The following MAPKAPK3 variants were observed in gnomAD, a reference collection of about 807,000 sequenced individuals.
The protein encoded by MAPKAPK3 is MAPK activated protein kinase 3.
A neutral mutation model predicts 49.2 loss-of-function variants in MAPKAPK3; 35 were observed. The observed-to-expected ratio is 0.71, with a 90% CI of 0.54 to 0.94. The LOEUF is 0.94. Among genes scored for constraint, MAPKAPK3 ranks in the 40% least tolerant of loss-of-function variants. The pLI, the probability that MAPKAPK3 is intolerant of heterozygous loss-of-function variation, is 0.00. For synonymous variants in MAPKAPK3, 178 were observed against 188.7 expected (o/e 0.94, Z 0.46); for missense variants, 398 against 493.1 (o/e 0.81, Z 1.83).
chr3:50,642,411 C>A, intron 5 of MAPKAPK3, 79 bp downstream of exon 5: 1 of 1,040,214 alleles, frequency 9.6e-7, no homozygotes, highest in Non-Finnish European at 1.5e-6. Context: ...GCATCCAGGA[C>A]CCACTGGATG....
At chr3:50,639,687 T>G (rs2033128337) in intron 2 of MAPKAPK3, among the ~76,000 whole-genome samples, 1 of 152,180 alleles carries the variant, frequency 6.6e-6, no homozygotes, top group African/African-American at 2.4e-5. Context: ...GGAGATAGAT[T>G]GACAGACACA....
intron 2 of MAPKAPK3, among the ~76,000 whole-genome samples, chr3:50,629,340 T>C (rs907620491): frequency 2.6e-5 from 4 of 152,074 alleles, no homozygotes; most frequent in Non-Finnish European, 1.5e-5. Context: ...GGGAGGAGTG[T>C]AAGGCCATTT....
intron 2 of MAPKAPK3, among the ~76,000 whole-genome samples, chr3:50,634,650 A>G (rs683223): frequency 1 from 151,818 of 152,224 alleles, 75,710 homozygotes; most frequent in Middle Eastern, 1. Context: ...CACCACACCC[A>G]GCTAATTTTT....
At chr3:50,630,158 G>A (rs1225283711) in intron 2 of MAPKAPK3, among the ~76,000 whole-genome samples, 1 of 152,210 alleles carries the variant, frequency 6.6e-6, no homozygotes, top group Non-Finnish European at 1.5e-5. Context: ...GCCAGGTTCT[G>A]GTTCTGGAAA....
chr3:50,619,316 TC>T (rs1306577628), intron 2 of MAPKAPK3, among the ~76,000 whole-genome samples: 1 of 152,142 alleles, frequency 6.6e-6, no homozygotes, highest in Non-Finnish European at 1.5e-5. Flanking sequence ...GGAGGTTGTC[TC>T]CCCGGAGTAC....
chr3:50,627,417 G>C (rs974160571), intron 2 of MAPKAPK3, among the ~76,000 whole-genome samples: 1 of 152,108 alleles, frequency 6.6e-6, no homozygotes, highest in Non-Finnish European at 1.5e-5. Flanking sequence ...GTCAGCAAAT[G>C]GTGTTGTCAG....
chr3:50,623,892 C>T (rs1235437900), intron 2 of MAPKAPK3, among the ~76,000 whole-genome samples: 1 of 152,254 alleles, frequency 6.6e-6, no homozygotes, highest in African/African-American at 2.4e-5. Flanking sequence ...CCCAGCTGGG[C>T]CCTGAGTGAT....
intron 4 of MAPKAPK3, 44 bp from the exon 5 acceptor site, chr3:50,642,208 AC>A (rs2033190288): frequency 2.3e-6 from 3 of 1,317,020 alleles, no homozygotes; most frequent in Non-Finnish European, 3.3e-6. Context: ...TGGGGGCTTG[AC>A]CTTTGACTGG....
At chr3:50,646,104 C>T in intron 7 of MAPKAPK3, 36 bp from the exon 8 acceptor site, 2 of 1,605,920 alleles carry the variant, frequency 1.2e-6, no homozygotes, top group Non-Finnish European at 1.7e-6. Flanking sequence ...TGGCACTGCT[C>T]CCACCCTATG....
chr3:50,611,521 G>C, upstream of MAPKAPK3: 1 of 1,502,328 alleles, frequency 6.7e-7, no homozygotes. Flanking sequence ...TCTGCGCTCA[G>C]TCACCTCTGG....
intron 2 of MAPKAPK3, among the ~76,000 whole-genome samples, chr3:50,627,980 G>A (rs2032803300): frequency 6.6e-6 from 1 of 152,180 alleles, no homozygotes; most frequent in Non-Finnish European, 1.5e-5. Flanking sequence ...AGGGAGAGAT[G>A]CTGAGCAGAT....
In MAPKAPK3 at chr3:50,642,248, T is replaced by C. The variant is rs762450984; in HGVS notation, c.425-5T>C. The C allele has an allele frequency of 1.2e-6, 2 of 1,609,942 alleles. No individual in the cohort carries two copies. Among genetic ancestry groups the C allele is most frequent in the South Asian group, 1.1e-5 (1 of 90,998 alleles). On this transcript the variant is annotated splice_polypyrimidine_tract_variant and splice_region_variant and intron_variant, in intron 4 of 10. Transcript: ENST00000621469. ...CACTGACCCCCTCCTCCTCTGTTTC[T>C]GCAGAAGCTGCAGAGATAATGCGGG...
upstream of MAPKAPK3, among the ~76,000 whole-genome samples, chr3:50,614,553 C>T (rs1355903908): frequency 7.0e-6 from 1 of 143,534 alleles, no homozygotes; most frequent in Non-Finnish European, 1.5e-5. Flanking sequence ...AGGATTTAGC[C>T]CCCCTCACTT....
rs2033154751 is a variant in MAPKAPK3, at chr3:50,640,515, C to T, written c.359+10C>T. 1 of 1,600,430 alleles carries T rather than the reference C, an allele frequency of 6.2e-7. No homozygotes were observed. The highest frequency in any genetic ancestry group is 1.3e-5 in the African/African-American group (1 of 74,728). On this transcript the variant is annotated intron_variant, in intron 3 of 10. Transcript: ENST00000621469. ...TCATCATCATGGAATGGTATGCTGG[C>T]CTGCCCTGTCTCCACACCCCCTCGG...
At chr3:50,624,229 C>T (rs1048700478) in intron 2 of MAPKAPK3, among the ~76,000 whole-genome samples, 3 of 152,080 alleles carry the variant, frequency 2.0e-5, no homozygotes, top group Non-Finnish European at 1.5e-5. Context: ...ATGTGGATGA[C>T]AGAGGAAGGC....
At chr3:50,643,617 G>A (rs987205751) in intron 5 of MAPKAPK3, among the ~76,000 whole-genome samples, 4 of 151,910 alleles carry the variant, frequency 2.6e-5, no homozygotes, top group African/African-American at 7.3e-5. Flanking sequence ...TTTTTTTCCC[G>A]AAGAGAGAAA....
intron 2 of MAPKAPK3, among the ~76,000 whole-genome samples, chr3:50,621,052 G>T (rs1016125996): frequency 1.3e-5 from 2 of 152,210 alleles, no homozygotes; most frequent in African/African-American, 4.8e-5. Context: ...GGTTTGAAGT[G>T]GGGGGTGTAG....
chr3:50,617,621 C>A lies in MAPKAPK3; in HGVS notation c.56C>A (p.Pro19His), dbSNP rs1238369685. The A allele has an allele frequency of 6.2e-7, 1 of 1,606,774 alleles. No homozygotes were observed. Among genetic ancestry groups the A allele is most frequent in the South Asian group, 1.1e-5 (1 of 90,922 alleles). The change falls in exon 2 of 11, where the codon CCC becomes CAC. Residue 19 changes from proline (P) to histidine (H), a missense_variant. Transcript: ENST00000621469. ...QGGPVPPPVA[P>H]GGPGLGGAPG... ...GGCCCTGTGCCCCCGCCAGTTGCACCCGGCGGACCCGGCTTGGGCGGTGCT... is the reference window on the plus strand; with the variant it reads ...GGCCCTGTGCCCCCGCCAGTTGCACACGGCGGACCCGGCTTGGGCGGTGCT...
In MAPKAPK3 at chr3:50,644,523, T is replaced by G. The variant is rs766928449; in HGVS notation, c.619T>G (p.Tyr207Asp). The G allele has an allele frequency of 6.2e-7, 1 of 1,614,104 alleles. No homozygotes were observed. Among genetic ancestry groups the G allele is most frequent in the Non-Finnish European group, 8.5e-7 (1 of 1,179,998 alleles). Residue 207 changes from tyrosine to aspartate, a missense_variant, in exon 6 of 11, where the codon TAT (tyrosine) becomes GAT (aspartate). Tyr to Asp is a radical substitution (Grantham distance 160). This residue lies in a region of MAPKAPK3 where 30 missense variants were observed against 70.5 expected (regional missense o/e 0.43). Coordinates refer to ENST00000621469, the MANE Select transcript of MAPKAPK3 (RefSeq NM_001243925.2). ...NALQTPCYTP[Y>D]YVAPEVLGPE... ...CCTGCAGACACCCTGCTATACTCCCTATTATGTGGGTGAGTCCTTCGGACA... is the reference window on the plus strand; with the variant it reads ...CCTGCAGACACCCTGCTATACTCCCGATTATGTGGGTGAGTCCTTCGGACA...
Sources: allele counts gnomAD v4.1 joint callset (sites outside exome capture counted in the v4.1 genomes callset), GRCh38; gene constraint gnomAD v4.1.1; regional missense constraint gnomAD v4.1.1; transcripts MANE v1.5; gene names NCBI Gene and HGNC (gene_info 2026-07-23, HGNC 2026-07-21).